KCNAB1: variants seen among roughly 807,000 people sequenced by gnomAD.
The protein encoded by KCNAB1 is potassium voltage-gated channel subfamily A regulatory beta subunit 1, also known as voltage-gated potassium channel subunit beta-1.
A neutral mutation model predicts 64.6 loss-of-function variants in KCNAB1; 35 were observed. That is an observed-to-expected ratio of 0.54 (90% CI 0.41 to 0.72). The LOEUF (loss-of-function observed/expected upper bound fraction) is 0.72, where lower values mean the gene tolerates loss of function less well. Among genes scored for constraint, KCNAB1 ranks in the 30% least tolerant of loss-of-function variants. The pLI, the probability that KCNAB1 is intolerant of heterozygous loss-of-function variation, is 0.00. For missense variants in KCNAB1, 401 were observed against 512.9 expected, an observed-to-expected ratio of 0.78 and a Z score of 2.11; for synonymous variants, 177 against 183.8, an observed-to-expected ratio of 0.96 and a Z score of 0.30.
intron 8 of KCNAB1, among the ~76,000 whole-genome samples, chr3:156,503,223 G>T (rs570724029): frequency 6.6e-6 from 1 of 152,170 alleles, no homozygotes; most frequent in Non-Finnish European, 1.5e-5. Flanking sequence ...GTGCAATTTT[G>T]TGAACCATAT....
intron 1 of KCNAB1, among the ~76,000 whole-genome samples, chr3:156,240,549 G>A (rs1339803334): frequency 6.6e-6 from 1 of 152,018 alleles, no homozygotes; most frequent in East Asian, 1.9e-4. Flanking sequence ...CAAATAATAT[G>A]TGAATACTGC....
intron 1 of KCNAB1, chr3:156,291,292 G>A (rs947340506): frequency 2.3e-5 from 23 of 989,336 alleles, no homozygotes; most frequent in Non-Finnish European, 2.5e-5. Context: ...GAGCCCCCAC[G>A]TCCTCCCGGA....
chr3:156,334,440 A>G (rs910044158), intron 1 of KCNAB1, among the ~76,000 whole-genome samples: 3 of 149,028 alleles, frequency 2.0e-5, no homozygotes, highest in Non-Finnish European at 2.9e-5. Context: ...TCTTACTTGC[A>G]GAATGCTCTT....
intron 13 of KCNAB1, among the ~76,000 whole-genome samples, chr3:156,533,299 C>G (rs577147662): frequency 1.3e-4 from 20 of 152,300 alleles, no homozygotes; most frequent in Non-Finnish European, 2.1e-4. Context: ...TCATTTTTTA[C>G]ATTCTTTGAC....
intron 1 of KCNAB1, among the ~76,000 whole-genome samples, chr3:156,170,909 C>T (rs1711928043): frequency 6.6e-6 from 1 of 152,106 alleles, no homozygotes; most frequent in Admixed American, 6.5e-5. Context: ...AGAACAATTT[C>T]CTGTTAACTA....
chr3:156,260,047 A>G (rs1168497318), intron 1 of KCNAB1, among the ~76,000 whole-genome samples: 2 of 151,524 alleles, frequency 1.3e-5, no homozygotes. Flanking sequence ...TTTCTCAAGA[A>G]CCCCCCAGCA....
chr3:156,220,524 A>G (rs1715647715), intron 1 of KCNAB1, among the ~76,000 whole-genome samples: 1 of 152,130 alleles, frequency 6.6e-6, no homozygotes, highest in Admixed American at 6.5e-5. Flanking sequence ...TTCTTTTGAG[A>G]AGTGTCTGTT....
At chr3:156,393,198 G>C (rs773366426) in intron 1 of KCNAB1, among the ~76,000 whole-genome samples, 1 of 152,134 alleles carries the variant, frequency 6.6e-6, no homozygotes, top group African/African-American at 2.4e-5. Flanking sequence ...AGGATGGTGG[G>C]AACTTGTCTC....
chr3:156,160,619 C>A (rs984734729), intron 1 of KCNAB1, among the ~76,000 whole-genome samples: 1 of 151,966 alleles, frequency 6.6e-6, no homozygotes, highest in African/African-American at 2.4e-5. Flanking sequence ...AACTGCCATC[C>A]AAAAAAGGTA....
At chr3:156,350,468 C>A (rs144169980) in intron 1 of KCNAB1, among the ~76,000 whole-genome samples, 235 of 149,728 alleles carry the variant, frequency 1.6e-3, no homozygotes, top group Admixed American at 3.3e-3. Context: ...GTTTGCACCA[C>A]TGCACTGTAG....
chr3:156,207,886 A>G (rs1714763088), intron 1 of KCNAB1, among the ~76,000 whole-genome samples: 1 of 152,174 alleles, frequency 6.6e-6, no homozygotes, highest in South Asian at 2.1e-4. Context: ...ATTTGGGTGA[A>G]ATGAGGTTAA....
At chr3:156,192,314 G>A (rs1315746119) in intron 1 of KCNAB1, among the ~76,000 whole-genome samples, 1 of 152,102 alleles carries the variant, frequency 6.6e-6, no homozygotes, top group African/African-American at 2.4e-5. Flanking sequence ...TCTCTTTGAG[G>A]ATTTTTAAAG....
At chr3:156,184,485 G>C (rs1344846070) in intron 1 of KCNAB1, among the ~76,000 whole-genome samples, 1 of 152,214 alleles carries the variant, frequency 6.6e-6, no homozygotes, top group Non-Finnish European at 1.5e-5. Context: ...AGGAGACCCT[G>C]CAAGGTGTTT....
chr3:156,190,943 T>A (rs2108360864), intron 1 of KCNAB1, among the ~76,000 whole-genome samples: 2 of 152,328 alleles, frequency 1.3e-5, no homozygotes, highest in Middle Eastern at 3.4e-3. Context: ...TCCACCCACC[T>A]CAGCCTCCCA....
chr3:156,349,841 A>C (rs1352087974), intron 1 of KCNAB1, among the ~76,000 whole-genome samples: 2 of 152,220 alleles, frequency 1.3e-5, no homozygotes, highest in Non-Finnish European at 2.9e-5. Flanking sequence ...TTAGGATTAC[A>C]GGCATAAGCC....
At chr3:156,164,960 T>G (rs574205711) in intron 1 of KCNAB1, among the ~76,000 whole-genome samples, 2 of 152,252 alleles carry the variant, frequency 1.3e-5, no homozygotes, top group Non-Finnish European at 2.9e-5. Flanking sequence ...CTAAAATGCT[T>G]TTGATGTTGA....
At chr3:156,201,561 G>A (rs1714331264) in intron 1 of KCNAB1, among the ~76,000 whole-genome samples, 2 of 152,262 alleles carry the variant, frequency 1.3e-5, no homozygotes, top group African/African-American at 4.8e-5. Flanking sequence ...TTCTGCTCCA[G>A]CAGCAGTGTC....
chr3:156,409,147 G>T (rs1183139332), intron 1 of KCNAB1, among the ~76,000 whole-genome samples: 2 of 152,184 alleles, frequency 1.3e-5, no homozygotes, highest in East Asian at 3.9e-4. Context: ...CTTTAGGGCT[G>T]TGCCAAAGAA....
chr3:156,446,610 T>C (rs1245355144), intron 2 of KCNAB1, among the ~76,000 whole-genome samples: 1 of 152,118 alleles, frequency 6.6e-6, no homozygotes, highest in Non-Finnish European at 1.5e-5. Flanking sequence ...GGCTCTCCAT[T>C]CTCCCCATAC....
Sources: gnomAD v4.1 joint callset for allele counts (sites outside exome capture counted in the v4.1 genomes callset) on GRCh38, gnomAD v4.1.1 for gene constraint, MANE v1.5 for transcripts, NCBI Gene and HGNC (gene_info 2026-07-23, HGNC 2026-07-21) for gene names.